WDR72: variants seen among roughly 807,000 people sequenced by gnomAD.
WDR72 encodes the protein WD repeat domain 72.
Under a neutral mutation model 124.2 loss-of-function variants are expected in WDR72, and 120 were observed. That is an observed-to-expected ratio of 0.97 (90% CI 0.83 to 1.12). The LOEUF (loss-of-function observed/expected upper bound fraction) is 1.12. Among genes scored for constraint, WDR72 ranks in the 50% most tolerant of loss-of-function variants. WDR72 has a pLI of 0.00. For missense variants in WDR72, 1,387 were observed against 1,278.8 expected, an observed-to-expected ratio of 1.08 and a Z score of -1.29; for synonymous variants, 452 against 441.7, an observed-to-expected ratio of 1.02 and a Z score of -0.29.
At position 53,554,550 on chromosome 15, in the gene WDR72, G is replaced by C. The variant is rs934295623; in HGVS notation, c.3149-31228C>G. Among the ~76,000 whole-genome samples, 19 of 152,192 alleles carry C rather than the reference G, an allele frequency of 1.2e-4. No individual in the cohort carries two copies. In the South Asian group the frequency reaches 1.9e-3, roughly 15 times the overall value. ...CATTGTGTTGTGTTGCAAAAATTTT[G>C]CTTTGTGCATATTGAACTTTTCCAG... On this transcript the variant is annotated intron_variant, in intron 18 of 19. Coordinates refer to ENST00000360509, the MANE Select transcript of WDR72 (RefSeq NM_182758.4).
chr15:53,520,339 G>A (rs1004351457), intron 19 of WDR72, among the ~76,000 whole-genome samples: 1 of 152,000 alleles, frequency 6.6e-6, no homozygotes, highest in Non-Finnish European at 1.5e-5. Flanking sequence ...ATAAAACCAT[G>A]TAAGTTCAAT....
chr15:53,551,956 T>C (rs966827724), intron 18 of WDR72, among the ~76,000 whole-genome samples: 1 of 152,122 alleles, frequency 6.6e-6, no homozygotes, highest in Non-Finnish European at 1.5e-5. Context: ...TTTAGTATAA[T>C]AGTCTTTTGA....
rs139461226 is a variant in WDR72, at chr15:53,681,016, G to C, written c.1766-15248C>G. Reference sequence around the variant, plus strand: ...CTCCCAAGCCAAGGACTTGACCTTTGAATTTGTTTTCATCTAGTTCATCCC... The same window carrying C: ...CTCCCAAGCCAAGGACTTGACCTTTCAATTTGTTTTCATCTAGTTCATCCC... On this transcript the variant is annotated intron_variant, in intron 13 of 19. Coordinates refer to ENST00000360509, the MANE Select transcript of WDR72 (RefSeq NM_182758.4). Among the ~76,000 whole-genome samples the C allele has an allele frequency of 4.8e-3, 726 of 152,300 alleles. 2 individuals are homozygous for C. Among genetic ancestry groups the C allele is most frequent in the Non-Finnish European group, 6.3e-3 (429 of 68,028 alleles).
chr15:53,723,224 C>G (rs1394307964), intron 2 of WDR72, among the ~76,000 whole-genome samples: 1 of 151,766 alleles, frequency 6.6e-6, no homozygotes, highest in Non-Finnish European at 1.5e-5. Context: ...AACAAAATGT[C>G]CCCTCAATAA....
rs1891409480 is a variant in WDR72, at chr15:53,515,432, T to TAAAG, written c.*2263_*2266dup. 1 of 152,162 alleles carries TAAAG rather than the reference T, an allele frequency of 6.6e-6. No individual in the cohort carries two copies. Among genetic ancestry groups the TAAAG allele is most frequent in the African/African-American group, 2.4e-5 (1 of 41,460 alleles). The allele number at this position is 152,162 out of a possible 1,614,324, so 9.4% of individuals were successfully genotyped here. On this transcript the variant is annotated 3_prime_UTR_variant, in exon 20 of 20. Transcript: ENST00000360509. ...GAAATATGTGGAACACCAGTCAATA[T>TAAAG]AAAGAATTCATTTTTAAACAGACTA...
rs1317820964 is a variant in WDR72 at position 53,706,348 on chromosome 15, GTGTATATATATATATATATATATA to G, written c.955-298_955-275del. ...TATATGTGCGTGTGTGTGTGTGTGT[GTGTATATATATATATATATATATA>G]TATATATATATATATATATATATGG... On this transcript the variant is annotated intron_variant, in intron 9 of 19. Coordinates refer to ENST00000360509, the MANE Select transcript of WDR72 (RefSeq NM_182758.4). Among the ~76,000 whole-genome samples, 103 of 57,394 alleles carry G rather than the reference GTGTATATATATATATATATATATA, an allele frequency of 1.8e-3. 4 individuals carry two copies. Among genetic ancestry groups the G allele is most frequent in the African/African-American group, 6.0e-3 (61 of 10,228 alleles). 37.7% of individuals were successfully genotyped at this position (57,394 alleles called of 152,430 possible).
intron 19 of WDR72, among the ~76,000 whole-genome samples, chr15:53,519,625 G>C (rs1891671619): frequency 1.3e-5 from 2 of 152,028 alleles, no homozygotes. Flanking sequence ...TATCAGACAA[G>C]ACCTCCAGGT....
At chr15:53,722,970 C>A in intron 2 of WDR72, 62 bp from the exon 3 acceptor site, 1 of 1,428,088 alleles carries the variant, frequency 7.0e-7, no homozygotes. Context: ...AAAAACACCA[C>A]AATATAGTAT....
intron 17 of WDR72, among the ~76,000 whole-genome samples, chr15:53,606,780 T>C (rs936958283): frequency 2.8e-4 from 43 of 152,162 alleles, no homozygotes; most frequent in African/African-American, 1.0e-3. Context: ...AAATGAGCTT[T>C]ACGTCTTCTG....
intron 17 of WDR72, among the ~76,000 whole-genome samples, chr15:53,603,980 T>A (rs2013161267): frequency 6.6e-6 from 1 of 152,096 alleles, no homozygotes; most frequent in Non-Finnish European, 1.5e-5. Context: ...GAAAAAACTA[T>A]CTTAAAATTC....
intron 1 of WDR72, among the ~76,000 whole-genome samples, chr15:53,739,412 C>T (rs1217520608): frequency 1.3e-5 from 2 of 152,170 alleles, no homozygotes; most frequent in Non-Finnish European, 2.9e-5. Context: ...TGATGGCAAC[C>T]ACCTGTCTGA....
intron 19 of WDR72, among the ~76,000 whole-genome samples, chr15:53,522,017 T>G (rs1335706322): frequency 6.6e-6 from 1 of 152,144 alleles, no homozygotes; most frequent in East Asian, 1.9e-4. Context: ...CATTTCTCAG[T>G]TCCATGGGAT....
intron 14 of WDR72, among the ~76,000 whole-genome samples, chr15:53,650,705 C>T (rs757658676): frequency 1.3e-5 from 2 of 152,068 alleles, no homozygotes; most frequent in Non-Finnish European, 1.5e-5. Flanking sequence ...CCATCTAAAG[C>T]GGTTCCTCCC....
intron 1 of WDR72, among the ~76,000 whole-genome samples, chr15:53,748,748 C>T (rs986026164): frequency 6.6e-6 from 1 of 152,110 alleles, no homozygotes; most frequent in Non-Finnish European, 1.5e-5. Context: ...CTGAGATATC[C>T]ATACTAGTCT....
intron 1 of WDR72, among the ~76,000 whole-genome samples, chr15:53,755,217 T>A (rs570263587): frequency 6.6e-6 from 1 of 152,344 alleles, no homozygotes; most frequent in African/African-American, 2.4e-5. Flanking sequence ...CTGTTTATAT[T>A]TTTTTGTTCA....
At chr15:53,581,560 A>C (rs1313445780) in intron 18 of WDR72, among the ~76,000 whole-genome samples, 1 of 152,088 alleles carries the variant, frequency 6.6e-6, no homozygotes, top group Non-Finnish European at 1.5e-5. Flanking sequence ...TGTGCTTTAC[A>C]TAGGAGATGG....
chr15:53,684,133 A>T (rs1381662162), intron 13 of WDR72: 4 of 152,178 alleles, frequency 2.6e-5, no homozygotes, highest in Non-Finnish European at 5.9e-5. Flanking sequence ...CATTGCAGGT[A>T]TAATAGACGA....
intron 13 of WDR72, among the ~76,000 whole-genome samples, chr15:53,684,937 C>G (rs532760895): frequency 2.6e-5 from 4 of 152,210 alleles, no homozygotes; most frequent in Admixed American, 2.6e-4. Context: ...GAGGCACCCC[C>G]CTAGCAGGGG....
At chr15:53,720,313 C>T (rs1037450535) in intron 3 of WDR72, among the ~76,000 whole-genome samples, 5 of 152,154 alleles carry the variant, frequency 3.3e-5, no homozygotes, top group African/African-American at 7.2e-5. Flanking sequence ...CTTATTACTA[C>T]ATTATTATAT....
Sources: gnomAD v4.1 joint callset for allele counts (sites outside exome capture counted in the v4.1 genomes callset) on GRCh38, gnomAD v4.1.1 for gene constraint, MANE v1.5 for transcripts, NCBI Gene and HGNC (gene_info 2026-07-23, HGNC 2026-07-21) for gene names.